SLC71A1: variants seen among roughly 807,000 people sequenced by gnomAD.
The protein encoded by SLC71A1 is solute carrier family 71 member 1.
At chr1:100,076,592 G>A in the SLC71A1 span, among the ~76,000 whole-genome samples, 1 of 152,194 alleles carries the variant, frequency 6.6e-6, no homozygotes, top group Non-Finnish European at 1.5e-5. Flanking sequence ...TCAAAGTGAA[G>A]TGACTTGCTG....
the SLC71A1 span, among the ~76,000 whole-genome samples, chr1:100,055,028 A>G: frequency 6.6e-6 from 1 of 152,230 alleles, no homozygotes; most frequent in African/African-American, 2.4e-5. Context: ...AGCATAGAAT[A>G]TTTCAGAAAC....
chr1:100,082,053 G>A, the SLC71A1 span: 2 of 1,613,670 alleles, frequency 1.2e-6, no homozygotes, highest in Non-Finnish European at 1.7e-6. Flanking sequence ...GTTCAGTACT[G>A]CTGGCTCTGC....
the SLC71A1 span, among the ~76,000 whole-genome samples, chr1:100,051,749 A>G: frequency 6.6e-6 from 1 of 152,044 alleles, no homozygotes; most frequent in South Asian, 2.1e-4. Flanking sequence ...GTAGACCATC[A>G]CTCCTACCAT....
the SLC71A1 span, among the ~76,000 whole-genome samples, chr1:100,045,597 A>T: frequency 6.6e-6 from 1 of 152,370 alleles, no homozygotes; most frequent in South Asian, 2.1e-4. Context: ...TGATACAAGC[A>T]TATGTTGATA....
the SLC71A1 span, chr1:100,058,657 AT>A: frequency 1.4e-6 from 2 of 1,464,062 alleles, no homozygotes; most frequent in Non-Finnish European, 1.9e-6. Context: ...TTTGGTTTTT[AT>A]TCTTTAGGTA....
chr1:100,050,069 A>T, the SLC71A1 span: 4 of 865,508 alleles, frequency 4.6e-6, no homozygotes, highest in Non-Finnish European at 7.7e-6. Flanking sequence ...TTTTGGAGGA[A>T]AATGTGGGCC....
At chr1:100,039,871 TTTTG>T in the SLC71A1 span, among the ~76,000 whole-genome samples, 1 of 152,166 alleles carries the variant, frequency 6.6e-6, no homozygotes, top group Non-Finnish European at 1.5e-5. Flanking sequence ...TTCTTTGGGG[TTTTG>T]TTTGATTTGC....
At chr1:100,055,944 G>A in the SLC71A1 span, among the ~76,000 whole-genome samples, 152 of 152,114 alleles carry the variant, frequency 1.0e-3, 1 homozygote, top group Non-Finnish European at 1.9e-3. Flanking sequence ...GTAGAGATGG[G>A]GTTTCACCGT....
the SLC71A1 span, chr1:100,079,901 G>C: frequency 6.6e-6 from 1 of 152,608 alleles, no homozygotes; most frequent in African/African-American, 2.4e-5. Context: ...ATTTTGGCTG[G>C]GCACAGTGGC....
chr1:100,065,549 C>G, the SLC71A1 span, among the ~76,000 whole-genome samples: 1 of 144,914 alleles, frequency 6.9e-6, no homozygotes, highest in African/African-American at 2.6e-5. Context: ...TCGCTTTCAC[C>G]TTTCTCCTTT....
the SLC71A1 span, among the ~76,000 whole-genome samples, chr1:100,051,410 AAT>A: frequency 1.3e-5 from 2 of 151,882 alleles, no homozygotes; most frequent in Non-Finnish European, 2.9e-5. Context: ...AGTCATTTTG[AAT>A]ATATAGAGCA....
chr1:100,045,721 T>C, the SLC71A1 span, among the ~76,000 whole-genome samples: 1 of 152,184 alleles, frequency 6.6e-6, no homozygotes, highest in South Asian at 2.1e-4. Context: ...TTTTATTTTT[T>C]ATTTTTTGAG....
the SLC71A1 span, among the ~76,000 whole-genome samples, chr1:100,067,572 A>G: frequency 3.7e-3 from 570 of 152,266 alleles, no homozygotes; most frequent in Non-Finnish European, 6.1e-3. Context: ...GCCCTTCGGG[A>G]GGCTGAGGTG....
At chr1:100,073,829 C>A in the SLC71A1 span, among the ~76,000 whole-genome samples, 17 of 152,278 alleles carry the variant, frequency 1.1e-4, no homozygotes, top group African/African-American at 3.9e-4. Flanking sequence ...TTGCTTAAGT[C>A]ATTTAACCTT....
chr1:100,040,023 A>G, the SLC71A1 span, among the ~76,000 whole-genome samples: 1 of 152,218 alleles, frequency 6.6e-6, no homozygotes, highest in Non-Finnish European at 1.5e-5. Context: ...CACCAGCAAT[A>G]GGTTTCACAT....
chr1:100,040,894 C>T, the SLC71A1 span, among the ~76,000 whole-genome samples: 3 of 152,094 alleles, frequency 2.0e-5, no homozygotes, highest in East Asian at 1.9e-4. Flanking sequence ...TATAAAGTTC[C>T]GCCAATGGGT....
At chr1:100,038,565 G>A in the SLC71A1 span, among the ~76,000 whole-genome samples, 2 of 152,176 alleles carry the variant, frequency 1.3e-5, no homozygotes, top group Admixed American at 1.3e-4. Flanking sequence ...TGCTCTGGCC[G>A]CCTCTGCAGG....
chr1:100,040,772 A>T, the SLC71A1 span, among the ~76,000 whole-genome samples: 1 of 152,098 alleles, frequency 6.6e-6, no homozygotes, highest in Non-Finnish European at 1.5e-5. Flanking sequence ...AACATTTTTT[A>T]AGAAAGGGGA....
the SLC71A1 span, among the ~76,000 whole-genome samples, chr1:100,061,068 A>G: frequency 6.6e-6 from 1 of 152,188 alleles, no homozygotes; most frequent in African/African-American, 2.4e-5. Flanking sequence ...GGAATGAACA[A>G]AGAATTTGCT....
Sources: allele counts gnomAD v4.1 joint callset (sites outside exome capture counted in the v4.1 genomes callset), GRCh38; gene constraint gnomAD v4.1.1; transcripts MANE v1.5; gene names NCBI Gene and HGNC (gene_info 2026-07-23, HGNC 2026-07-21).